Variants in MUC5B observed in about 807,000 individuals in gnomAD.
MUC5B encodes mucin-5B.
Under a neutral mutation model 376.9 loss-of-function variants are expected in MUC5B, and 116 were observed. The observed-to-expected ratio is 0.31, with a 90% CI of 0.26 to 0.36. The LOEUF is 0.36. MUC5B is among the 10% of genes least tolerant of loss of function. MUC5B has a pLI of 1.00. For missense variants in MUC5B, 7,165 were observed against 7,769.9 expected (o/e 0.92, Z 2.93); for synonymous variants, 3,517 against 3,390.9 (o/e 1.04, Z -1.29).
chr11:1,235,279 G>A (rs748692012), intron 22 of MUC5B, 24 bp from the exon 23 acceptor site: 11 of 1,610,558 alleles, frequency 6.8e-6, no homozygotes, highest in Middle Eastern at 1.6e-4. Flanking sequence ...CCCGCGGCCA[G>A]CAGCTTGTCT....
intron 3 of MUC5B, 122 bp downstream of exon 3, chr11:1,226,398 C>G (rs563838284): frequency 8.1e-6 from 11 of 1,355,962 alleles, no homozygotes; most frequent in Non-Finnish European, 9.2e-6. Context: ...CAGAGTCCTC[C>G]GTGTGGGCGG....
At position 1,228,716 on chromosome 11, in the gene MUC5B, C is replaced by T. The variant is rs532419779; in HGVS notation, c.927C>T (p.Cys309=). The T allele has an allele frequency of 4.0e-5, 61 of 1,528,342 alleles. No homozygotes were observed. The highest frequency in any genetic ancestry group is 1.3e-4 in the South Asian group (11 of 83,666). 94.7% of individuals were successfully genotyped at this position (1,528,342 alleles called of 1,614,324 possible). ...CCTTTGTGGAATACTCACGCCAGTG[C>T]GCCCACGCGGGGGGCCAGCCGCGGA... The part of the protein sequence containing the change: ...CATFVEYSRQ[C]AHAGGQPRNW... The change falls in exon 8 of 49, where the codon TGC becomes TGT. Residue 309 remains cysteine (C), a synonymous_variant. Coordinates refer to ENST00000529681, the MANE Select transcript of MUC5B (RefSeq NM_002458.3).
Position 1,230,537 on chromosome 11 carries a change from C to T in MUC5B, c.1407C>T (p.Cys469=), listed in dbSNP as rs761219748. The T allele has an allele frequency of 8.1e-6, 13 of 1,611,244 alleles. No homozygotes were observed. The highest frequency in any genetic ancestry group is 1.7e-4 in the Middle Eastern group (1 of 6,050). ...CCGTGCTGGCTGAGCTGCGGAAGTGCGGCCTGACGGACAACGAGAACTGCC... is the reference window on the plus strand; with the variant it reads ...CCGTGCTGGCTGAGCTGCGGAAGTGTGGCCTGACGGACAACGAGAACTGCC... The part of the protein sequence containing the change: ...SFTVLAELRK[C]GLTDNENCLK... Residue 469 remains cysteine (C), a synonymous_variant, in exon 12 of 49, where the codon TGC becomes TGT. Coordinates refer to ENST00000529681, the MANE Select transcript of MUC5B (RefSeq NM_002458.3).
chr11:1,227,284 G>T, intron 5 of MUC5B, 24 bp from the exon 6 acceptor site: 3 of 1,602,050 alleles, frequency 1.9e-6, no homozygotes, highest in Non-Finnish European at 2.6e-6. Context: ...TCCTGAGGCT[G>T]GAGCTGCCCC....
chr11:1,229,874 C>T, intron 10 of MUC5B, 67 bp downstream of exon 10: 1 of 1,546,984 alleles, frequency 6.5e-7, no homozygotes. Context: ...ATGAACCCGC[C>T]AGCCTCTGCC....
intron 29 of MUC5B, 37 bp from the exon 30 acceptor site, chr11:1,240,141 C>G (rs367807229): frequency 5.7e-6 from 9 of 1,571,860 alleles, no homozygotes; most frequent in South Asian, 3.5e-5. Context: ...GCCAGGGGCT[C>G]GGAGGCCCTG....
At position 1,261,530 on chromosome 11, in the gene MUC5B, C is replaced by T. The variant is rs1207080568; in HGVS notation, c.17211C>T (p.Cys5737=). 3 of 1,607,466 alleles carry T rather than the reference C, an allele frequency of 1.9e-6. No individual in the cohort carries two copies. Among genetic ancestry groups the T allele is most frequent in the Non-Finnish European group, 2.5e-6 (3 of 1,177,898 alleles). Residue 5737 remains cysteine (C), a synonymous_variant, in exon 49 of 49, where the codon TGC becomes TGT. Transcript: ENST00000529681. The part of the protein sequence containing the change: ...HTYTHVDECG[C]TPFCVPAPMA... ...ACACCCACGTGGATGAGTGTGGCTG[C>T]ACGCCCTTCTGTGTCCCTGCGCCCA...
At chr11:1,237,225 G>C in intron 25 of MUC5B, 61 bp downstream of exon 25, 1 of 1,328,866 alleles carries the variant, frequency 7.5e-7, no homozygotes, top group Non-Finnish European at 9.6e-7. Context: ...CCTTCCCGCC[G>C]AGAACTGGGT....
rs201544839 is a variant in MUC5B, at chr11:1,226,638, C to A, written c.223C>A (p.Arg75=). ...LSPLNPAHNG[R]VCSTWGDFHY... is the part of the protein sequence containing the mutation. ...AGCCCTGAACCCGGCGCACAATGGG[C>A]GGGTGTGCAGCACCTGGGGTGACTT... Residue 75 remains arginine (R), a synonymous_variant, in exon 4 of 49, where the codon CGG becomes AGG. Transcript: ENST00000529681. The A allele has an allele frequency of 2.5e-6, 4 of 1,610,934 alleles. No homozygotes were observed. Among genetic ancestry groups the A allele is most frequent in the Non-Finnish European group, 3.4e-6 (4 of 1,179,148 alleles).
At position 1,250,754 on chromosome 11, in the gene MUC5B, C is replaced by A. The variant is rs1329003004; in HGVS notation, c.13874C>A (p.Pro4625His). Reference protein sequence around the residue: ...PPVWISTTTTPTTTTPTTSGS... With the variant: ...PPVWISTTTTHTTTTPTTSGS... Reference sequence around the variant, plus strand: ...GTGTGGATCAGCACAACCACCACACCCACAACCACCACACCCACAACCAGT... The same window carrying A: ...GTGTGGATCAGCACAACCACCACACACACAACCACCACACCCACAACCAGT... Residue 4625 changes from proline (P) to histidine (H), a missense_variant, in exon 31 of 49, where the codon CCC becomes CAC. Physicochemically the swap from Pro to His is moderately conservative, Grantham distance 77. This residue lies in a region of MUC5B where 730 missense variants were observed against 592.7 expected (regional missense o/e 1.23). Transcript: ENST00000529681. The A allele has an allele frequency of 1.1e-5, 18 of 1,589,222 alleles. No homozygotes were observed. In the Admixed American group the frequency reaches 3.0e-4, roughly 27 times the overall value.
Position 1,247,437 on chromosome 11 carries a change from C to G in MUC5B, c.10557C>G (p.Thr3519=), listed in dbSNP as rs779444776. 1.9e-6 allele frequency: 3 copies of G among 1,609,600 alleles called. No homozygotes were observed. The highest frequency in any genetic ancestry group is 2.7e-5 in the African/African-American group (2 of 74,384). ...GCCCTCACCCTAGCAGCAGGACCACCGAGTCACCCCCTTCTCCAGGGACGA... is the reference window on the plus strand; with the variant it reads ...GCCCTCACCCTAGCAGCAGGACCACGGAGTCACCCCCTTCTCCAGGGACGA... ...LSSPHPSSRT[T]ESPPSPGTTT... Residue 3519 remains threonine (T), a synonymous_variant, in exon 31 of 49, where the codon ACC becomes ACG. Coordinates refer to ENST00000529681, the MANE Select transcript of MUC5B (RefSeq NM_002458.3).
At position 1,238,909 on chromosome 11, in the gene MUC5B, C is replaced by T. The variant is rs762528833; in HGVS notation, c.3336C>T (p.Asp1112=). 6.4e-6 allele frequency: 10 copies of T among 1,568,150 alleles called. No homozygotes were observed. The highest frequency in any genetic ancestry group is 8.6e-6 in the Non-Finnish European group (10 of 1,156,588). ...AGTACTACGAGGCCTGCGTGAACGA[C>T]GCGTGTGCCTGCGACTCGGGTGGCG... is the stretch of plus-strand genomic sequence containing the variant. ...STKYYEACVN[D]ACACDSGGDC... The change falls in exon 26 of 49, where the codon GAC becomes GAT. Residue 1112 remains aspartate, a synonymous_variant. Coordinates refer to ENST00000529681, the MANE Select transcript of MUC5B (RefSeq NM_002458.3).
chr11:1,234,264 G>A lies in MUC5B; in HGVS notation c.2437G>A (p.Ala813Thr), dbSNP rs1191928792. The change falls in exon 20 of 49, where the codon GCC becomes ACC. Residue 813 changes from alanine to threonine, a missense_variant. By Grantham distance (58) the Ala-to-Thr change is moderately conservative (BLOSUM62 0). This residue lies in a region of MUC5B where 530 missense variants were observed against 604.0 expected (regional missense o/e 0.88). Transcript: ENST00000529681. This position sits in a 1 kb window ranked among gnomAD's most constrained non-coding sequence, Gnocchi z 6.3. ...CAACAGCTCGGCGGGCACCCCTGGG[G>A]CCGAGTGCCTCCGGAGCTGCCACAC... Reference protein sequence around the residue: ...CSNSSAGTPGAECLRSCHTLD... With the variant: ...CSNSSAGTPGTECLRSCHTLD... 2.5e-6 allele frequency: 4 copies of A among 1,607,156 alleles called. No homozygotes were observed. The highest frequency in any genetic ancestry group is 3.4e-6 in the Non-Finnish European group (4 of 1,178,492).
chr11:1,260,411 T>G lies in MUC5B; in HGVS notation c.16966+18T>G, dbSNP rs1049619508. On this transcript the variant is annotated intron_variant, in intron 47 of 48. Transcript: ENST00000529681. ...TGAGGAGGGTAAGTGGAAGCCACCT[T>G]CCCACACCAGCCCTCCAGCTCCAGC... 3 of 1,612,066 alleles carry G rather than the reference T, an allele frequency of 1.9e-6. No homozygotes were observed. The African/African-American group carries it at 4.0e-5, about 22-fold the overall frequency.
Position 1,247,498 on chromosome 11 carries a change from A to T in MUC5B, c.10618A>T (p.Thr3540Ser). ...CCACACCAGGGGCACCTCCAGGACC[A>T]CAGCCACAGCCACACCCAGCAAGAC... The part of the protein sequence containing the change: ...PGHTRGTSRT[T>S]ATATPSKTRT... The change falls in exon 31 of 49, where the codon ACA (threonine) becomes TCA (serine). Residue 3540 changes from threonine (T) to serine (S), a missense_variant. Around this residue, in one of 31 missense-constraint regions of MUC5B, gnomAD observed 939 missense variants for 770.6 expected, o/e 1.22. Coordinates refer to ENST00000529681, the MANE Select transcript of MUC5B (RefSeq NM_002458.3). 6.2e-7 allele frequency: 1 copy of T among 1,607,930 alleles called. No homozygotes were observed. The highest frequency in any genetic ancestry group is 1.3e-5 in the African/African-American group (1 of 74,370).
Position 1,248,998 on chromosome 11 carries a change from C to G in MUC5B, c.12118C>G (p.His4040Asp). Residue 4040 changes from histidine (H) to aspartate (D), a missense_variant, in exon 31 of 49, where the codon CAC (histidine) becomes GAC (aspartate). This residue lies in a region of MUC5B where 47 missense variants were observed against 98.5 expected (regional missense o/e 0.48). Transcript: ENST00000529681. ...CACCTCAGGCACCTTGGGCACCACC[C>G]ACATCACAGAGCCTTCCACGGGGAC... ...SATSGTLGTT[H>D]ITEPSTGTSH... The G allele has an allele frequency of 6.8e-6, 11 of 1,609,192 alleles. No homozygotes were observed. Among genetic ancestry groups the G allele is most frequent in the Non-Finnish European group, 9.3e-6 (11 of 1,178,728 alleles).
chr11:1,240,749 G>GCAGGGC, intron 30 of MUC5B, 102 bp from the exon 31 acceptor site: 1 of 1,135,680 alleles, frequency 8.8e-7, no homozygotes, highest in Non-Finnish European at 1.2e-6. Flanking sequence ...TCCCACAGGG[G>GCAGGGC]CAGGGCCAGC....
chr11:1,249,967 T>G lies in MUC5B; in HGVS notation c.13087T>G (p.Ser4363Ala). ...PSSTPETTHT[S>A]TVLTTKATTT... is the part of the protein sequence containing the mutation. The stretch of plus-strand genomic sequence containing the variant: ...CTCCACTCCGGAGACCACCCACACC[T>G]CCACAGTGCTGACCACGAAGGCCAC... Residue 4363 changes from serine to alanine, a missense_variant, in exon 31 of 49, where the codon TCC becomes GCC. Ser to Ala is a moderately conservative substitution (Grantham distance 99). Coordinates refer to ENST00000529681, the MANE Select transcript of MUC5B (RefSeq NM_002458.3). The G allele has an allele frequency of 1.3e-6, 2 of 1,594,942 alleles. No homozygotes were observed. The highest frequency in any genetic ancestry group is 2.2e-5 in the South Asian group (2 of 90,390).
rs777358856 is a variant in MUC5B at position 1,242,666 on chromosome 11, C to A, written c.5786C>A (p.Thr1929Asn). The change falls in exon 31 of 49, where the codon ACC becomes AAC. Residue 1929 changes from threonine (T) to asparagine (N), a missense_variant. Transcript: ENST00000529681. Reference sequence around the variant, plus strand: ...GGATCCACGGCCACCCCGACCTCCACCCTGAGAACAGCTCCCCCTCCCAAA... The same window carrying A: ...GGATCCACGGCCACCCCGACCTCCAACCTGAGAACAGCTCCCCCTCCCAAA... Reference protein sequence around the residue: ...STGSTATPTSTLRTAPPPKVL... With the variant: ...STGSTATPTSNLRTAPPPKVL... The A allele has an allele frequency of 3.1e-6, 5 of 1,613,768 alleles. No individual in the cohort carries two copies. Among genetic ancestry groups the A allele is most frequent in the Non-Finnish European group, 4.2e-6 (5 of 1,179,792 alleles).
Sources: gnomAD v4.1 joint callset for allele counts on GRCh38, gnomAD v4.1.1 for gene constraint, gnomAD v4.1.1 regional missense constraint, Gnocchi (gnomAD v3.1) non-coding constraint, MANE v1.5 for transcripts, NCBI Gene and HGNC (gene_info 2026-07-23, HGNC 2026-07-21) for gene names.